Variants in EPHA3 observed in about 807,000 individuals in gnomAD.
The protein encoded by EPHA3 is ephrin type-A receptor 3.
Under a neutral mutation model 107.1 loss-of-function variants are expected in EPHA3, and 42 were observed. The observed-to-expected ratio is 0.39, with a 90% CI of 0.31 to 0.51. EPHA3 has a LOEUF of 0.51. Ranked by LOEUF, EPHA3 falls within the 20% of genes least tolerant of loss-of-function variation. The probability of loss-of-function intolerance (pLI) is 0.78; values close to 1 mark genes in which losing one functional copy is unlikely to be tolerated. For missense variants in EPHA3, 1,183 were observed against 1,211.2 expected (o/e 0.98, Z 0.35); for synonymous variants, 461 against 424.8 (o/e 1.09, Z -1.05).
chr3:89,115,769 TG>T (rs1157650468), intron 1 of EPHA3, among the ~76,000 whole-genome samples: 3 of 152,034 alleles, frequency 2.0e-5, no homozygotes, highest in African/African-American at 2.4e-5. Context: ...ACTGAGAAAA[TG>T]GATCATAATA....
chr3:89,448,573 A>G (rs1212416440), intron 13 of EPHA3, among the ~76,000 whole-genome samples: 1 of 152,186 alleles, frequency 6.6e-6, no homozygotes, highest in African/African-American at 2.4e-5. Context: ...CTAAATTATA[A>G]GTTCTGGGAA....
intron 3 of EPHA3, among the ~76,000 whole-genome samples, chr3:89,274,306 A>G (rs1705751818): frequency 6.6e-6 from 1 of 152,096 alleles, no homozygotes; most frequent in South Asian, 2.1e-4. Context: ...AAAAAAAATC[A>G]TTCCATCTCT....
intron 6 of EPHA3, among the ~76,000 whole-genome samples, chr3:89,398,663 G>A (rs935098626): frequency 6.6e-6 from 1 of 152,152 alleles, no homozygotes; most frequent in African/African-American, 2.4e-5. Flanking sequence ...TTCTTTGTAA[G>A]TTTGTTATTG....
Position 89,215,065 on chromosome 3 carries a change from G to A in EPHA3, c.814+4545G>A, listed in dbSNP as rs116356950. Reference sequence around the variant, plus strand: ...AAAGAATCATGTGAATCAAAAATAAGTAAGCAACTAAGAAAAAGAAAAATA... The same window carrying A: ...AAAGAATCATGTGAATCAAAAATAAATAAGCAACTAAGAAAAAGAAAAATA... On this transcript the variant is annotated intron_variant, in intron 3 of 16. Coordinates refer to ENST00000336596, the MANE Select transcript of EPHA3 (RefSeq NM_005233.6). 3.4e-3 allele frequency among the ~76,000 whole-genome samples: 512 copies of A among 151,880 alleles called. 2 individuals are homozygous for A. Among genetic ancestry groups the A allele is most frequent in the Middle Eastern group, 0.01 (3 of 294 alleles).
chr3:89,285,798 T>A (rs1031592376), intron 3 of EPHA3, among the ~76,000 whole-genome samples: 5 of 152,308 alleles, frequency 3.3e-5, no homozygotes, highest in African/African-American at 1.2e-4. Flanking sequence ...CTCCTGGTGA[T>A]GTCAGCAGAA....
chr3:89,354,587 C>T (rs558533074), intron 5 of EPHA3, among the ~76,000 whole-genome samples: 1 of 151,204 alleles, frequency 6.6e-6, no homozygotes, highest in Non-Finnish European at 1.5e-5. Context: ...CCCCTATAAG[C>T]AGGGGCCCTG....
At chr3:89,430,499 A>G (rs992131344) in intron 12 of EPHA3, among the ~76,000 whole-genome samples, 6 of 152,164 alleles carry the variant, frequency 3.9e-5, no homozygotes, top group African/African-American at 1.4e-4. Context: ...TTGTAATTAA[A>G]CATGGAATTT....
At chr3:89,479,025 CCTT>C (rs1441991361) in intron 16 of EPHA3, among the ~76,000 whole-genome samples, 2 of 152,162 alleles carry the variant, frequency 1.3e-5, no homozygotes, top group Non-Finnish European at 2.9e-5. Context: ...TTGTACATCG[CCTT>C]CTTCTCTGTG....
At chr3:89,204,465 C>A (rs114304997) in intron 2 of EPHA3, among the ~76,000 whole-genome samples, 5 of 144,564 alleles carry the variant, frequency 3.5e-5, no homozygotes, top group Admixed American at 2.8e-4. Context: ...AAATGTAATT[C>A]TCTGATTTGA....
At chr3:89,252,575 A>T (rs531093296) in intron 3 of EPHA3, among the ~76,000 whole-genome samples, 2 of 152,154 alleles carry the variant, frequency 1.3e-5, no homozygotes, top group Non-Finnish European at 2.9e-5. Context: ...ACAAAAATTT[A>T]AAAAATTAGT....
intron 5 of EPHA3, among the ~76,000 whole-genome samples, chr3:89,370,438 A>T (rs1482657155): frequency 6.6e-6 from 1 of 151,418 alleles, no homozygotes; most frequent in Non-Finnish European, 1.5e-5. Context: ...GTTCTCACTC[A>T]TAGGTGGGAA....
chr3:89,169,016 T>A (rs913586199), intron 2 of EPHA3, among the ~76,000 whole-genome samples: 1 of 152,154 alleles, frequency 6.6e-6, no homozygotes. Flanking sequence ...TTCAGTAGAA[T>A]AAACACTAAC....
intron 1 of EPHA3, among the ~76,000 whole-genome samples, chr3:89,110,204 T>C (rs1226392968): frequency 1.3e-5 from 2 of 151,984 alleles, no homozygotes; most frequent in African/African-American, 2.4e-5. Flanking sequence ...ATTGAAATAT[T>C]TCAACACTGT....
At chr3:89,112,071 G>A (rs1559736290) in intron 1 of EPHA3, among the ~76,000 whole-genome samples, 1 of 151,918 alleles carries the variant, frequency 6.6e-6, no homozygotes, top group Non-Finnish European at 1.5e-5. Context: ...GAAGTGACTG[G>A]ACTTATAAAA....
intron 3 of EPHA3, among the ~76,000 whole-genome samples, chr3:89,323,078 G>A (rs943124482): frequency 6.6e-6 from 1 of 152,014 alleles, no homozygotes; most frequent in Non-Finnish European, 1.5e-5. Flanking sequence ...AAAAGCAAAT[G>A]TCCAATACAT....
intron 5 of EPHA3, among the ~76,000 whole-genome samples, chr3:89,363,277 G>T (rs1476053983): frequency 6.7e-6 from 1 of 150,304 alleles, no homozygotes; most frequent in African/African-American, 2.4e-5. Flanking sequence ...AGATAGCGAG[G>T]GGGCAGGAGA....
intron 3 of EPHA3, among the ~76,000 whole-genome samples, chr3:89,319,712 C>A (rs537394248): frequency 6.6e-6 from 1 of 151,934 alleles, no homozygotes; most frequent in East Asian, 1.9e-4. Context: ...AAACTGGGGG[C>A]CTCAGATGAC....
chr3:89,345,945 CTCA>C (rs1334876460), intron 5 of EPHA3, among the ~76,000 whole-genome samples: 4 of 147,854 alleles, frequency 2.7e-5, no homozygotes, highest in African/African-American at 9.9e-5. Flanking sequence ...AGGACGTGAA[CTCA>C]TCATTTTTTA....
At chr3:89,131,952 C>A (rs1208117392) in intron 2 of EPHA3, among the ~76,000 whole-genome samples, 1 of 152,098 alleles carries the variant, frequency 6.6e-6, no homozygotes, top group Admixed American at 6.6e-5. Flanking sequence ...GGAAAATGGC[C>A]CCTCTGCGAC....
Sources: allele counts gnomAD v4.1 joint callset (sites outside exome capture counted in the v4.1 genomes callset), GRCh38; gene constraint gnomAD v4.1.1; transcripts MANE v1.5; gene names NCBI Gene and HGNC (gene_info 2026-07-23, HGNC 2026-07-21).